The following NKAIN2 variants were observed in gnomAD, a reference collection of about 807,000 sequenced individuals.
The protein encoded by NKAIN2 is sodium/potassium transporting ATPase interacting 2, also known as sodium/potassium-transporting ATPase subunit beta-1-interacting protein 2.
In NKAIN2, 14 loss-of-function variants were observed where a neutral mutation model predicts 32.6. That is an observed-to-expected ratio of 0.43 (90% CI 0.28 to 0.67). The LOEUF is 0.67. Ranked by LOEUF, NKAIN2 falls within the 30% of genes least tolerant of loss-of-function variation. NKAIN2 has a pLI of 0.17. For synonymous variants in NKAIN2, 80 were observed against 87.2 expected, an observed-to-expected ratio of 0.92 and a Z score of 0.46; for missense variants, 198 against 258.3, an observed-to-expected ratio of 0.77 and a Z score of 1.60.
At chr6:123,892,920 A>AT (rs1774092359) in intron 1 of NKAIN2, among the ~76,000 whole-genome samples, 2 of 151,090 alleles carry the variant, frequency 1.3e-5, no homozygotes, top group Admixed American at 1.3e-4. Context: ...ATCATCACGT[A>AT]TTTTTTTCTG....
At chr6:124,233,196 T>A (rs1317268265) in intron 1 of NKAIN2, among the ~76,000 whole-genome samples, 2 of 152,092 alleles carry the variant, frequency 1.3e-5, no homozygotes, top group African/African-American at 4.8e-5. Context: ...CTCCTTAGGT[T>A]AATTTTAAAA....
Position 124,505,942 on chromosome 6 carries a change from G to C in NKAIN2, c.273+150595G>C, listed in dbSNP as rs573860960. On this transcript the variant is annotated intron_variant, in intron 3 of 6. Transcript: ENST00000368417. ...TAATCCCAGCACTTTGGGAGGCCGA[G>C]GCAGGCAGATCACGAGGTCAAGAGA... 1.5e-3 allele frequency among the ~76,000 whole-genome samples: 228 copies of C among 152,218 alleles called. No homozygotes were observed. The Middle Eastern group carries it at 0.024, about 16-fold the overall frequency.
At chr6:123,924,723 C>G (rs1047135095) in intron 1 of NKAIN2, among the ~76,000 whole-genome samples, 5 of 152,056 alleles carry the variant, frequency 3.3e-5, no homozygotes, top group African/African-American at 1.2e-4. Flanking sequence ...TCTAAAAATT[C>G]TTCCTAGCCC....
chr6:124,279,847 A>G (rs1336973163), intron 1 of NKAIN2, among the ~76,000 whole-genome samples: 2 of 152,194 alleles, frequency 1.3e-5, no homozygotes, highest in African/African-American at 4.8e-5. Flanking sequence ...GATTATCTCA[A>G]TAGATGCAGA....
chr6:124,199,338 C>A (rs1030289895), intron 1 of NKAIN2, among the ~76,000 whole-genome samples: 1 of 152,144 alleles, frequency 6.6e-6, no homozygotes, highest in Admixed American at 6.6e-5. Context: ...AAGGTGAATG[C>A]GAGATCTGGC....
chr6:124,693,135 G>A (rs1279704990), intron 4 of NKAIN2, among the ~76,000 whole-genome samples: 1 of 152,176 alleles, frequency 6.6e-6, no homozygotes, highest in Non-Finnish European at 1.5e-5. Context: ...GCCTTGGGGA[G>A]TACATTTATG....
rs114957302 is a variant in NKAIN2, at chr6:124,741,467, C to T, written c.475-49872C>T. On this transcript the variant is annotated intron_variant, in intron 4 of 6. Coordinates refer to ENST00000368417, the MANE Select transcript of NKAIN2 (RefSeq NM_001040214.3). Reference sequence around the variant, plus strand: ...GATGTATGAGTATTGAAGATGAATGCTGGAAATAATACTGGTGTGAATCAC... The same window carrying T: ...GATGTATGAGTATTGAAGATGAATGTTGGAAATAATACTGGTGTGAATCAC... Among the ~76,000 whole-genome samples the T allele has an allele frequency of 5.1e-3, 771 of 151,846 alleles. 11 individuals are homozygous for T. The highest frequency in any genetic ancestry group is 0.018 in the African/African-American group (738 of 41,472).
chr6:124,538,243 T>TG (rs1779788010), intron 3 of NKAIN2, among the ~76,000 whole-genome samples: 1 of 152,014 alleles, frequency 6.6e-6, no homozygotes. Flanking sequence ...TTATTATTAT[T>TG]TTTTTTGGTA....
At chr6:123,913,634 GCTAAGTATGGTCT>G (rs1469956575) in intron 1 of NKAIN2, among the ~76,000 whole-genome samples, 3 of 152,038 alleles carry the variant, frequency 2.0e-5, no homozygotes, top group Admixed American at 6.6e-5. Flanking sequence ...TTTTGTTAGG[GCTAAGTATGGTCT>G]CTAAGAGGTA....
At chr6:123,847,929 T>C (rs765054480) in intron 1 of NKAIN2, among the ~76,000 whole-genome samples, 14 of 152,142 alleles carry the variant, frequency 9.2e-5, no homozygotes, top group Non-Finnish European at 1.8e-4. Flanking sequence ...TTGAAAATTG[T>C]TGGTTTAAAG....
At chr6:123,958,151 G>A (rs566067359) in intron 1 of NKAIN2, among the ~76,000 whole-genome samples, 27 of 152,194 alleles carry the variant, frequency 1.8e-4, no homozygotes, top group African/African-American at 6.5e-4. Context: ...CAATAGCTAG[G>A]ACACCGACCA....
chr6:124,525,051 A>G (rs561497722), intron 3 of NKAIN2, among the ~76,000 whole-genome samples: 31 of 152,312 alleles, frequency 2.0e-4, no homozygotes, highest in Non-Finnish European at 3.8e-4. Context: ...GTTTCTGAAG[A>G]AAAAAGCCAA....
intron 4 of NKAIN2, among the ~76,000 whole-genome samples, chr6:124,718,553 T>A (rs1399465706): frequency 6.6e-6 from 1 of 152,162 alleles, no homozygotes; most frequent in Non-Finnish European, 1.5e-5. Context: ...GTGTACAACT[T>A]TTTGTTCATT....
At chr6:124,317,567 C>T (rs1797013235) in intron 2 of NKAIN2, among the ~76,000 whole-genome samples, 2 of 151,924 alleles carry the variant, frequency 1.3e-5, no homozygotes, top group Non-Finnish European at 2.9e-5. Flanking sequence ...CATTGGCACT[C>T]CTGTGAACTT....
At chr6:123,947,750 T>G (rs1777138731) in intron 1 of NKAIN2, among the ~76,000 whole-genome samples, 1 of 152,206 alleles carries the variant, frequency 6.6e-6, no homozygotes, top group Non-Finnish European at 1.5e-5. Context: ...CATTTCTATA[T>G]GCTGGGAACA....
chr6:124,804,929 C>T (rs886489576), intron 5 of NKAIN2, among the ~76,000 whole-genome samples: 17 of 152,264 alleles, frequency 1.1e-4, no homozygotes, highest in Admixed American at 2.6e-4. Context: ...AAGGCGGCAG[C>T]GAGGCTGGGG....
At chr6:124,337,226 G>T (rs1374588101) in intron 2 of NKAIN2, among the ~76,000 whole-genome samples, 1 of 152,146 alleles carries the variant, frequency 6.6e-6, no homozygotes, top group Non-Finnish European at 1.5e-5. Context: ...GCTGGGTGTG[G>T]TGGCTCACGC....
At chr6:123,854,164 T>A (rs1775467775) in intron 1 of NKAIN2, among the ~76,000 whole-genome samples, 1 of 152,194 alleles carries the variant, frequency 6.6e-6, no homozygotes, top group African/African-American at 2.4e-5. Context: ...TTCAAAGATA[T>A]ATGGGAATCG....
At chr6:124,538,746 G>A (rs1386014563) in intron 3 of NKAIN2, among the ~76,000 whole-genome samples, 2 of 152,026 alleles carry the variant, frequency 1.3e-5, no homozygotes, top group Non-Finnish European at 2.9e-5. Context: ...ATCGTTGGGT[G>A]CTGCACTCTG....
Sources: allele counts gnomAD v4.1 joint callset (sites outside exome capture counted in the v4.1 genomes callset), GRCh38; gene constraint gnomAD v4.1.1; transcripts MANE v1.5; gene names NCBI Gene and HGNC (gene_info 2026-07-23, HGNC 2026-07-21).